The following ZNF804B variants were observed in gnomAD, a reference collection of about 807,000 sequenced individuals.
ZNF804B encodes zinc finger protein 804B, also known as zinc finger 804B.
Under a neutral mutation model 101.4 loss-of-function variants are expected in ZNF804B, and 80 were observed. The observed-to-expected ratio is 0.79, with a 90% CI of 0.66 to 0.95. The LOEUF is 0.95. Among genes scored for constraint, ZNF804B ranks in the 40% least tolerant of loss-of-function variants. The pLI is 0.00. For synonymous variants in ZNF804B, 622 were observed against 558.8 expected (o/e 1.11, Z -1.59); for missense variants, 1,673 against 1,561.9 (o/e 1.07, Z -1.20).
intron 2 of ZNF804B, among the ~76,000 whole-genome samples, chr7:89,280,959 A>G (rs1357657930): frequency 6.6e-6 from 1 of 152,186 alleles, no homozygotes; most frequent in Non-Finnish European, 1.5e-5. Flanking sequence ...ATTAAGTCTA[A>G]TCTTTGTTCT....
At chr7:88,905,922 G>GTT (rs1225723692) in intron 1 of ZNF804B, among the ~76,000 whole-genome samples, 7 of 134,270 alleles carry the variant, frequency 5.2e-5, no homozygotes, top group African/African-American at 1.1e-4. Context: ...GGGGTTGATA[G>GTT]TTTTTTTTTT....
At position 89,136,913 on chromosome 7, in the gene ZNF804B, G is replaced by A. The variant is rs563440160; in HGVS notation, c.109-81242G>A. The stretch of plus-strand genomic sequence containing the variant: ...TCTCATGATAGTGAGTAAGTCTCAT[G>A]AGACATGATGGCTTTGTGAGGCAGA... On this transcript the variant is annotated intron_variant, in intron 1 of 3. Transcript: ENST00000333190. Among the ~76,000 whole-genome samples the A allele has an allele frequency of 2.6e-5, 4 of 152,172 alleles. No individual in the cohort carries two copies. The East Asian group carries it at 7.8e-4, about 30-fold the overall frequency.
At chr7:89,298,194 T>A (rs1790414525) in intron 2 of ZNF804B, among the ~76,000 whole-genome samples, 2 of 116,810 alleles carry the variant, frequency 1.7e-5, no homozygotes, top group Admixed American at 2.0e-4. Flanking sequence ...TGTATATATA[T>A]CTATATAGTG....
intron 1 of ZNF804B, among the ~76,000 whole-genome samples, chr7:88,866,799 A>G (rs999897785): frequency 4.6e-5 from 7 of 152,210 alleles, no homozygotes; most frequent in Non-Finnish European, 7.3e-5. Flanking sequence ...TTGATAGATA[A>G]TGGAAATACC....
chr7:88,776,360 T>A (rs370921558), intron 1 of ZNF804B, among the ~76,000 whole-genome samples: 4 of 152,176 alleles, frequency 2.6e-5, no homozygotes, highest in African/African-American at 4.8e-5. Flanking sequence ...TATACTGTAG[T>A]TGGTTTTTAT....
intron 1 of ZNF804B, among the ~76,000 whole-genome samples, chr7:88,945,519 A>G (rs1472742409): frequency 6.6e-6 from 1 of 152,148 alleles, no homozygotes; most frequent in East Asian, 1.9e-4. Flanking sequence ...GAAGTCAGGT[A>G]GCATGATTCC....
At chr7:89,192,839 A>C (rs1788478595) in intron 1 of ZNF804B, among the ~76,000 whole-genome samples, 1 of 152,132 alleles carries the variant, frequency 6.6e-6, no homozygotes, top group African/African-American at 2.4e-5. Context: ...ATGCAAGGTT[A>C]GTTCAACATT....
At chr7:89,116,223 G>T (rs1007169091) in intron 1 of ZNF804B, among the ~76,000 whole-genome samples, 4 of 151,788 alleles carry the variant, frequency 2.6e-5, no homozygotes, top group African/African-American at 9.7e-5. Flanking sequence ...CACGGTTTTT[G>T]TTTTTTTAAT....
At chr7:88,910,311 T>A (rs575434744) in intron 1 of ZNF804B, among the ~76,000 whole-genome samples, 2 of 151,916 alleles carry the variant, frequency 1.3e-5, no homozygotes, top group Non-Finnish European at 2.9e-5. Context: ...ATGTCTTCAG[T>A]ATTTCCGAGA....
At chr7:88,987,336 G>C (rs1422061246) in intron 1 of ZNF804B, among the ~76,000 whole-genome samples, 8 of 152,008 alleles carry the variant, frequency 5.3e-5, no homozygotes, top group African/African-American at 1.9e-4. Context: ...ATGTCCCTTT[G>C]TCTCCAGATG....
chr7:88,933,545 G>A (rs78668588), intron 1 of ZNF804B, among the ~76,000 whole-genome samples: 4,973 of 151,916 alleles, frequency 0.033, 99 homozygotes, highest in East Asian at 0.049. Context: ...AAACTCTAAA[G>A]TTTCGTTCAA....
At chr7:89,040,320 G>T (rs1245442466) in intron 1 of ZNF804B, among the ~76,000 whole-genome samples, 6 of 149,292 alleles carry the variant, frequency 4.0e-5, no homozygotes, top group Non-Finnish European at 5.9e-5. Context: ...TTATTCTTTT[G>T]GATAATTTCA....
At chr7:88,940,002 TA>T (rs1244570114) in intron 1 of ZNF804B, among the ~76,000 whole-genome samples, 1 of 151,944 alleles carries the variant, frequency 6.6e-6, no homozygotes, top group Admixed American at 6.6e-5. Flanking sequence ...ACAAAAGTAA[TA>T]ATATGGAAAA....
intron 2 of ZNF804B, among the ~76,000 whole-genome samples, chr7:89,323,118 G>A (rs1218994251): frequency 4.6e-5 from 7 of 152,220 alleles, no homozygotes; most frequent in Non-Finnish European, 8.8e-5. Flanking sequence ...TAGGCCATGT[G>A]AGGATATAAC....
chr7:88,774,805 A>G (rs926123982), intron 1 of ZNF804B, among the ~76,000 whole-genome samples: 3 of 152,204 alleles, frequency 2.0e-5, no homozygotes, highest in South Asian at 2.1e-4. Flanking sequence ...AGACCACAAA[A>G]AGGAAGCTCC....
intron 1 of ZNF804B, among the ~76,000 whole-genome samples, chr7:89,120,657 C>CAAAAAAAAAA (rs10636811): frequency 1.4e-4 from 14 of 103,298 alleles, no homozygotes; most frequent in African/African-American, 5.7e-4. Context: ...GACTCCGCCT[C>CAAAAAAAAAA]AAAAAAAAAA....
At chr7:89,085,140 C>CA (rs1789770137) in intron 1 of ZNF804B, among the ~76,000 whole-genome samples, 2 of 39,226 alleles carry the variant, frequency 5.1e-5, no homozygotes, top group South Asian at 5.4e-4. Flanking sequence ...AGAATATGCT[C>CA]GCCAAATCAA....
intron 1 of ZNF804B, among the ~76,000 whole-genome samples, chr7:88,811,470 T>C (rs1790785780): frequency 6.6e-6 from 1 of 152,230 alleles, no homozygotes; most frequent in South Asian, 2.1e-4. Context: ...ATCCCATTAC[T>C]GTGTATATAC....
At chr7:89,263,904 A>G (rs1050701394) in intron 2 of ZNF804B, among the ~76,000 whole-genome samples, 11 of 152,162 alleles carry the variant, frequency 7.2e-5, no homozygotes, top group African/African-American at 2.7e-4. Flanking sequence ...GAAATAATAA[A>G]TTTCTCTTGT....
Sources: gnomAD v4.1 joint callset for allele counts (sites outside exome capture counted in the v4.1 genomes callset) on GRCh38, gnomAD v4.1.1 for gene constraint, MANE v1.5 for transcripts, NCBI Gene and HGNC (gene_info 2026-07-23, HGNC 2026-07-21) for gene names.